The following ATG7 variants were observed in gnomAD, a reference collection of about 807,000 sequenced individuals.
ATG7 encodes the protein ubiquitin-like modifier-activating enzyme ATG7.
A neutral mutation model predicts 82.4 loss-of-function variants in ATG7; 70 were observed. The ratio of observed to expected loss-of-function variants is 0.85; its 90% CI spans 0.70 to 1.04. The LOEUF is 1.04. Ranked by LOEUF, ATG7 falls within the 50% of genes least tolerant of loss-of-function variation. The probability of loss-of-function intolerance (pLI) is 0.00; values close to 1 mark genes in which losing one functional copy is unlikely to be tolerated. For synonymous variants in ATG7, 287 were observed against 313.0 expected, an observed-to-expected ratio of 0.92 and a Z score of 0.88; for missense variants, 792 against 864.3, an observed-to-expected ratio of 0.92 and a Z score of 1.05.
At chr3:11,569,750 C>T in the ATG7 span, among the ~76,000 whole-genome samples, 3 of 152,166 alleles carry the variant, frequency 2.0e-5, no homozygotes, top group Non-Finnish European at 4.4e-5. Context: ...GGCATGGTGA[C>T]GTGCACCTGT....
At chr3:11,289,747 A>G (rs1944657306) in intron 3 of ATG7, among the ~76,000 whole-genome samples, 1 of 152,110 alleles carries the variant, frequency 6.6e-6, no homozygotes. Flanking sequence ...TTTTGTAGAA[A>G]TGGGGTCTCA....
At chr3:11,427,383 C>T (rs1387941350) in intron 20 of ATG7, among the ~76,000 whole-genome samples, 1 of 152,108 alleles carries the variant, frequency 6.6e-6, no homozygotes. Context: ...TCTTCTTAGA[C>T]CCTGAACCCC....
chr3:11,568,743 A>G, the ATG7 span: 1 of 1,527,938 alleles, frequency 6.5e-7, no homozygotes, highest in African/African-American at 1.4e-5. The surrounding 1 kb of genome is among the most constrained non-coding windows in gnomAD (Gnocchi z 5.9). Flanking sequence ...AACCGCACGC[A>G]TCCTGCCCGG....
intron 20 of ATG7, among the ~76,000 whole-genome samples, chr3:11,548,625 T>C (rs1043813744): frequency 2.0e-5 from 3 of 152,250 alleles, no homozygotes; most frequent in African/African-American, 7.2e-5. Flanking sequence ...GGTGGTATGC[T>C]ACAGATACTC....
chr3:11,525,218 A>T (rs1429957521), intron 20 of ATG7, among the ~76,000 whole-genome samples: 2 of 150,986 alleles, frequency 1.3e-5, no homozygotes, highest in South Asian at 4.2e-4. Flanking sequence ...TTTAGTAGAG[A>T]TGTGGTTTTG....
intron 19 of ATG7, among the ~76,000 whole-genome samples, chr3:11,380,400 G>A (rs1223873183): frequency 2.6e-5 from 4 of 152,108 alleles, no homozygotes; most frequent in Admixed American, 6.5e-5. Context: ...TTTTTAAAGC[G>A]TTACTCTGAG....
chr3:11,385,312 GC>G (rs2152858323), intron 19 of ATG7, among the ~76,000 whole-genome samples: 1 of 152,328 alleles, frequency 6.6e-6, no homozygotes, highest in East Asian at 1.9e-4. Context: ...ACAGGCGTGA[GC>G]CACTGCGCTC....
intron 20 of ATG7, among the ~76,000 whole-genome samples, chr3:11,485,176 C>T (rs966164794): frequency 1.3e-5 from 2 of 152,178 alleles, no homozygotes; most frequent in East Asian, 3.9e-4. Flanking sequence ...TAAAAGTGTT[C>T]CTATTTCTCC....
intron 19 of ATG7, among the ~76,000 whole-genome samples, chr3:11,418,004 G>C (rs2081550302): frequency 6.6e-6 from 1 of 150,630 alleles, no homozygotes; most frequent in African/African-American, 2.4e-5. Flanking sequence ...TAGAGACGGG[G>C]GTTTCACTGT....
chr3:11,273,036 A>G (rs1348146641), intron 1 of ATG7, among the ~76,000 whole-genome samples: 1 of 152,248 alleles, frequency 6.6e-6, no homozygotes, highest in African/African-American at 2.4e-5. Context: ...GTACAGTACT[A>G]ACGTACATGA....
At chr3:11,506,132 T>A (rs189826606) in intron 20 of ATG7, among the ~76,000 whole-genome samples, 23 of 152,308 alleles carry the variant, frequency 1.5e-4, no homozygotes, top group African/African-American at 5.3e-4. Flanking sequence ...CTTTCCCTAG[T>A]ACATTTATTA....
At chr3:11,286,354 G>A (rs1943989810) in intron 3 of ATG7, among the ~76,000 whole-genome samples, 1 of 151,992 alleles carries the variant, frequency 6.6e-6, no homozygotes, top group Non-Finnish European at 1.5e-5. Flanking sequence ...TCTTAGTCCT[G>A]AAAAAACAAT....
chr3:11,313,826 C>G (rs1256435344), intron 8 of ATG7, among the ~76,000 whole-genome samples: 2 of 152,106 alleles, frequency 1.3e-5, no homozygotes, highest in Non-Finnish European at 2.9e-5. Flanking sequence ...TCTTCAACAC[C>G]TGGGCTCAAG....
chr3:11,418,321 C>G (rs1352763198), intron 19 of ATG7, among the ~76,000 whole-genome samples: 1 of 151,310 alleles, frequency 6.6e-6, no homozygotes, highest in Non-Finnish European at 1.5e-5. Context: ...AAATGTTGCC[C>G]AGGCTGGCCT....
chr3:11,333,401 A>G (rs576201386), intron 11 of ATG7, among the ~76,000 whole-genome samples: 1 of 152,298 alleles, frequency 6.6e-6, no homozygotes, highest in African/African-American at 2.4e-5. Context: ...ATTCCTGTCC[A>G]TTCTTAAAGG....
At position 11,478,143 on chromosome 3, in the gene ATG7, CATTATT is replaced by C. The variant is rs572424915; in HGVS notation, c.2079+51219_2079+51224del. Among the ~76,000 whole-genome samples, 175 of 152,240 alleles carry C rather than the reference CATTATT, an allele frequency of 1.1e-3. 1 individual carries two copies. The highest frequency in any genetic ancestry group is 1.2e-3 in the Non-Finnish European group (81 of 68,028). On this transcript the variant is annotated intron_variant, in intron 20 of 20. Coordinates refer to ENST00000693202, the MANE Select transcript of ATG7 (RefSeq NM_001349232.2). ...CTGTGACCGACAGTCTTGTTAGAGA[CATTATT>C]AGTATGACCCCATCGGTGGTAGCTA...
At chr3:11,403,970 C>T (rs1487041489) in intron 19 of ATG7, among the ~76,000 whole-genome samples, 3 of 151,994 alleles carry the variant, frequency 2.0e-5, no homozygotes, top group Admixed American at 6.6e-5. Context: ...TGCATTTTTC[C>T]AATTTACCTC....
At chr3:11,357,894 A>T (rs1385292731) in intron 14 of ATG7, among the ~76,000 whole-genome samples, 1 of 151,912 alleles carries the variant, frequency 6.6e-6, no homozygotes, top group Non-Finnish European at 1.5e-5. Flanking sequence ...CTGTAGTCCC[A>T]GCTACTTGGG....
intron 20 of ATG7, among the ~76,000 whole-genome samples, chr3:11,478,157 C>A (rs1574903347): frequency 1.3e-5 from 2 of 152,188 alleles, no homozygotes; most frequent in East Asian, 3.9e-4. Context: ...ATTAGTATGA[C>A]CCCATCGGTG....
Sources: allele counts gnomAD v4.1 joint callset (sites outside exome capture counted in the v4.1 genomes callset), GRCh38; gene constraint gnomAD v4.1.1; non-coding constraint Gnocchi (gnomAD v3.1); transcripts MANE v1.5; gene names NCBI Gene and HGNC (gene_info 2026-07-23, HGNC 2026-07-21).